ELAVL4: variants seen among roughly 807,000 people sequenced by gnomAD.
ELAVL4 encodes ELAV like RNA binding protein 4, also known as ELAV-like protein 4.
Under a neutral mutation model 35.6 loss-of-function variants are expected in ELAVL4, and 1 was observed. The ratio of observed to expected loss-of-function variants is 0.03; its 90% CI spans 0.01 to 0.13. The LOEUF (loss-of-function observed/expected upper bound fraction) is 0.13. Among genes scored for constraint, ELAVL4 ranks in the 10% least tolerant of loss-of-function variants. The probability of loss-of-function intolerance (pLI) is 1.00; values close to 1 mark genes in which losing one functional copy is unlikely to be tolerated. For synonymous variants in ELAVL4, 156 were observed against 171.0 expected (o/e 0.91, Z 0.69); for missense variants, 267 against 464.9 (o/e 0.57, Z 3.91).
chr1:50,111,901 A>C (rs1667138107), intron 1 of ELAVL4, among the ~76,000 whole-genome samples: 1 of 152,110 alleles, frequency 6.6e-6, no homozygotes, highest in Non-Finnish European at 1.5e-5. Flanking sequence ...AAACAATTGA[A>C]ATGGTGATCT....
In ELAVL4 at chr1:50,048,212, C is replaced by A. The variant is rs768826797; in HGVS notation, c.18+30C>A. 15 of 1,503,884 alleles carry A rather than the reference C, an allele frequency of 1.0e-5. No homozygotes were observed. The South Asian group carries it at 1.8e-4, about 18-fold the overall frequency. The allele number at this position is 1,503,884 out of a possible 1,614,324, so 93.2% of individuals were successfully genotyped here. ...AAGCGCCTCGGCGCAGGCCCCGCACCCCCGACTCTGCCCGCCCTCTGTTAC... is the reference window on the plus strand; with the variant it reads ...AAGCGCCTCGGCGCAGGCCCCGCACACCCGACTCTGCCCGCCCTCTGTTAC... On this transcript the variant is annotated intron_variant, in intron 1 of 6. Transcript: ENST00000448907.
chr1:50,109,016 C>CGGGGCGCG lies in ELAVL4; in HGVS notation c.-174_-173insGGGGCGCG. ...CTCCTTTTCTTTTTTTTCTTTCTCT[C>CGGGGCGCG]CCCCGCCCACCCCCCCAAAAATAAT... On this transcript the variant is annotated 5_prime_UTR_variant, in exon 1 of 7. Transcript: ENST00000371824. 2.2e-6 allele frequency: 2 copies of CGGGGCGCG among 905,774 alleles called. No individual in the cohort carries two copies. The highest frequency in any genetic ancestry group is 2.6e-6 in the Non-Finnish European group (2 of 761,392). The allele number at this position is 905,774 out of a possible 1,614,324, so 56.1% of individuals were successfully genotyped here. A position where few individuals can be genotyped will look rare whatever the true frequency, so the allele number is the denominator to read the frequency against.
intron 1 of ELAVL4, 156 bp from the exon 2 acceptor site, chr1:50,144,801 A>G (rs1255823371): frequency 2.6e-6 from 3 of 1,150,846 alleles, no homozygotes; most frequent in Admixed American, 1.7e-5. Context: ...TTGGTTAAAA[A>G]CATGCTTCTA....
chr1:50,136,210 CA>C (rs952778146), intron 1 of ELAVL4, among the ~76,000 whole-genome samples: 3 of 150,296 alleles, frequency 2.0e-5, no homozygotes, highest in Non-Finnish European at 3.0e-5. Context: ...AGGAATTTTA[CA>C]AAAAAAAATA....
chr1:50,091,077 T>C (rs1665471499), intron 1 of ELAVL4, among the ~76,000 whole-genome samples: 1 of 152,214 alleles, frequency 6.6e-6, no homozygotes, highest in Non-Finnish European at 1.5e-5. Context: ...GGTTCTCTGA[T>C]TCAGTAAAGC....
chr1:50,071,398 C>G (rs756686671), intron 1 of ELAVL4, among the ~76,000 whole-genome samples: 17 of 152,154 alleles, frequency 1.1e-4, no homozygotes, highest in Non-Finnish European at 2.4e-4. Flanking sequence ...CTAATTTCAG[C>G]TTTGTAACAA....
At chr1:50,098,249 A>T (rs553420168) in intron 1 of ELAVL4, among the ~76,000 whole-genome samples, 2 of 152,224 alleles carry the variant, frequency 1.3e-5, no homozygotes, top group African/African-American at 2.4e-5. Flanking sequence ...TCTTCTCAGT[A>T]AGGGAGGAAT....
At chr1:50,157,529 G>C (rs1350676070) in intron 2 of ELAVL4, among the ~76,000 whole-genome samples, 1 of 152,148 alleles carries the variant, frequency 6.6e-6, no homozygotes, top group East Asian at 1.9e-4. Context: ...TCAGACATCA[G>C]TGTCTAACTG....
chr1:50,168,988 A>G (rs1283177749), intron 2 of ELAVL4, among the ~76,000 whole-genome samples: 1 of 149,624 alleles, frequency 6.7e-6, no homozygotes, highest in East Asian at 1.9e-4. Flanking sequence ...ATATATGTAT[A>G]TATATATATA....
chr1:50,115,950 G>A (rs974111029), intron 1 of ELAVL4, among the ~76,000 whole-genome samples: 2 of 152,108 alleles, frequency 1.3e-5, no homozygotes, highest in Non-Finnish European at 2.9e-5. Context: ...TTTTAAGGTG[G>A]CACATTGCAC....
At chr1:50,056,184 G>T (rs553420074) in intron 1 of ELAVL4, among the ~76,000 whole-genome samples, 2 of 152,134 alleles carry the variant, frequency 1.3e-5, no homozygotes, top group Non-Finnish European at 2.9e-5. Flanking sequence ...ATCTTACTCA[G>T]GTCACTGGAA....
chr1:50,125,545 G>A (rs1669763874), intron 1 of ELAVL4, among the ~76,000 whole-genome samples: 2 of 151,998 alleles, frequency 1.3e-5, no homozygotes, highest in South Asian at 4.2e-4. Flanking sequence ...TTGGACAATT[G>A]GACTGAGGTG....
chr1:50,094,132 G>A (rs1436885961), intron 1 of ELAVL4, among the ~76,000 whole-genome samples: 1 of 152,142 alleles, frequency 6.6e-6, no homozygotes, highest in Non-Finnish European at 1.5e-5. Context: ...GAAAAGCAGC[G>A]ATTTGGAAGC....
intron 5 of ELAVL4, among the ~76,000 whole-genome samples, chr1:50,196,859 T>G (rs1191673665): frequency 6.6e-6 from 1 of 152,186 alleles, no homozygotes; most frequent in African/African-American, 2.4e-5. Context: ...AGGAAGATTA[T>G]AGCGTAATGG....
intron 1 of ELAVL4, among the ~76,000 whole-genome samples, chr1:50,141,400 G>A (rs1196995322): frequency 6.6e-6 from 1 of 152,262 alleles, no homozygotes; most frequent in South Asian, 2.1e-4. Flanking sequence ...CTCCTGAATG[G>A]ATAAATTCTG....
chr1:50,103,561 GA>G (rs1364078908), upstream of ELAVL4, among the ~76,000 whole-genome samples: 1 of 152,144 alleles, frequency 6.6e-6, no homozygotes, highest in East Asian at 1.9e-4. Context: ...CCTAAAGAAG[GA>G]AATGCCAGCA....
intron 1 of ELAVL4, among the ~76,000 whole-genome samples, chr1:50,077,749 G>T (rs149377875): frequency 7.9e-5 from 12 of 152,240 alleles, no homozygotes; most frequent in African/African-American, 2.6e-4. Flanking sequence ...AAGAGAAAAG[G>T]TTACTTTAAT....
chr1:50,189,604 GT>G (rs201172413), intron 3 of ELAVL4, among the ~76,000 whole-genome samples: 1 of 152,038 alleles, frequency 6.6e-6, no homozygotes, highest in Non-Finnish European at 1.5e-5. Flanking sequence ...TGTTCCACAT[GT>G]TTTTTTTGTT....
chr1:50,120,299 G>C (rs1668812547), intron 1 of ELAVL4, among the ~76,000 whole-genome samples: 1 of 151,852 alleles, frequency 6.6e-6, no homozygotes, highest in African/African-American at 2.4e-5. Context: ...AGGGAAACTG[G>C]ATAGATGGAA....
Sources: gnomAD v4.1 joint callset for allele counts (sites outside exome capture counted in the v4.1 genomes callset) on GRCh38, gnomAD v4.1.1 for gene constraint, MANE v1.5 for transcripts, NCBI Gene and HGNC (gene_info 2026-07-23, HGNC 2026-07-21) for gene names.